KALRN: variants seen among roughly 807,000 people sequenced by gnomAD.
KALRN encodes kalirin.
KALRN carries 70 observed loss-of-function variants against 353.7 expected under a neutral mutation model. The observed-to-expected ratio is 0.20, with a 90% CI of 0.16 to 0.24. KALRN has a LOEUF of 0.24. KALRN is among the 10% of genes least tolerant of loss of function. The pLI is 1.00. For synonymous variants in KALRN, 1,391 were observed against 1,434.8 expected (o/e 0.97, Z 0.69); for missense variants, 2,791 against 3,756.7 (o/e 0.74, Z 6.72).
At chr3:124,630,289 C>G (rs1355104225) in intron 34 of KALRN, among the ~76,000 whole-genome samples, 1 of 152,208 alleles carries the variant, frequency 6.6e-6, no homozygotes, top group Non-Finnish European at 1.5e-5. Context: ...GTGGCTTTCC[C>G]TGGACTTGCT....
At chr3:124,592,115 A>G (rs567581359) in intron 34 of KALRN, among the ~76,000 whole-genome samples, 46 of 152,196 alleles carry the variant, frequency 3.0e-4, no homozygotes, top group Admixed American at 9.2e-4. Flanking sequence ...AGCCTGGCCA[A>G]CATAGTGAAA....
At chr3:124,456,471 G>A (rs1029628970) in intron 22 of KALRN, 139 bp from the exon 23 acceptor site, 2 of 540,240 alleles carry the variant, frequency 3.7e-6, no homozygotes, top group East Asian at 3.1e-5. Context: ...GTGCTTATGG[G>A]TATGAGTCTG....
chr3:124,582,698 C>T (rs574070319), intron 34 of KALRN, among the ~76,000 whole-genome samples: 29 of 150,706 alleles, frequency 1.9e-4, no homozygotes, highest in Admixed American at 1.6e-3. Flanking sequence ...GCTATTATTA[C>T]TCATTAGGTC....
At chr3:124,080,858 G>T (rs2060504337) in intron 1 of KALRN, among the ~76,000 whole-genome samples, 1 of 152,016 alleles carries the variant, frequency 6.6e-6, no homozygotes, top group South Asian at 2.1e-4. Flanking sequence ...TACCAGTTTT[G>T]CCCATAGTAT....
chr3:124,709,168 T>C (rs1222709756), intron 57 of KALRN, among the ~76,000 whole-genome samples: 1 of 152,130 alleles, frequency 6.6e-6, no homozygotes, highest in East Asian at 1.9e-4. Context: ...CCAAAAACTC[T>C]CATTAGTATC....
intron 4 of KALRN, among the ~76,000 whole-genome samples, chr3:124,265,848 C>T (rs773286541): frequency 5.3e-5 from 8 of 152,090 alleles, no homozygotes; most frequent in East Asian, 1.9e-4. Flanking sequence ...TGGTGATTCA[C>T]GCCTGTACTG....
chr3:124,517,724 A>G (rs2066777761), intron 33 of KALRN, among the ~76,000 whole-genome samples: 1 of 152,138 alleles, frequency 6.6e-6, no homozygotes, highest in Non-Finnish European at 1.5e-5. Context: ...CTTGCAGTCT[A>G]CCCAAACCAG....
intron 11 of KALRN, among the ~76,000 whole-genome samples, chr3:124,389,319 C>T (rs745748886): frequency 6.6e-6 from 1 of 151,968 alleles, no homozygotes. Context: ...CCTAGACTTC[C>T]TAGGACTCCC....
chr3:124,295,186 C>T (rs2149181874), intron 5 of KALRN, among the ~76,000 whole-genome samples: 1 of 152,294 alleles, frequency 6.6e-6, no homozygotes, highest in African/African-American at 2.4e-5. Context: ...GTGATTGTCC[C>T]TTAGGAAACC....
At chr3:124,152,585 CTTTCT>C in intron 1 of KALRN, 1 of 579,992 alleles carries the variant, frequency 1.7e-6, no homozygotes, top group East Asian at 2.9e-5. Flanking sequence ...TTCTTTCTTT[CTTTCT>C]TTCTTTTTTT....
chr3:124,607,166 T>C (rs1023836254), intron 34 of KALRN, among the ~76,000 whole-genome samples: 1 of 152,204 alleles, frequency 6.6e-6, no homozygotes, highest in Non-Finnish European at 1.5e-5. Flanking sequence ...TTGTTTCCAA[T>C]AGGGGAATGA....
chr3:124,113,017 A>G (rs951651804), intron 1 of KALRN, among the ~76,000 whole-genome samples: 1 of 152,204 alleles, frequency 6.6e-6, no homozygotes, highest in Non-Finnish European at 1.5e-5. Flanking sequence ...TAAAAAAACC[A>G]AAGGAAAAAT....
chr3:124,506,776 C>A (rs1171356232), intron 33 of KALRN, among the ~76,000 whole-genome samples: 1 of 152,234 alleles, frequency 6.6e-6, no homozygotes, highest in Admixed American at 6.5e-5. Context: ...TAAAGTTTCA[C>A]TTACTGTTTG....
chr3:124,108,849 C>T (rs985229621), intron 1 of KALRN, among the ~76,000 whole-genome samples: 4 of 152,126 alleles, frequency 2.6e-5, no homozygotes, highest in African/African-American at 4.8e-5. Context: ...TAAGGCTTTG[C>T]AGGGGATTAC....
At chr3:124,655,784 C>G (rs1290386533) in intron 39 of KALRN, 117 bp downstream of exon 39, 7 of 697,952 alleles carry the variant, frequency 1.0e-5, no homozygotes, top group South Asian at 7.1e-5. Context: ...TGAGCACTTG[C>G]AGAAATGAAA....
At chr3:124,157,377 G>T (rs904077996) in intron 1 of KALRN, among the ~76,000 whole-genome samples, 10 of 152,202 alleles carry the variant, frequency 6.6e-5, no homozygotes, top group African/African-American at 2.4e-4. Context: ...CCCAAAGACA[G>T]CTAGGAGTTT....
At chr3:124,191,212 G>C (rs1384301227) in intron 1 of KALRN, among the ~76,000 whole-genome samples, 1 of 152,222 alleles carries the variant, frequency 6.6e-6, no homozygotes, top group Non-Finnish European at 1.5e-5. Flanking sequence ...CCCTGAGGCA[G>C]TCCTTTTGGG....
chr3:124,444,152 C>G (rs1301003838), intron 19 of KALRN, among the ~76,000 whole-genome samples: 1 of 152,212 alleles, frequency 6.6e-6, no homozygotes, highest in Non-Finnish European at 1.5e-5. Context: ...CAACTGGGCT[C>G]AGCAGTGCAG....
intron 1 of KALRN, among the ~76,000 whole-genome samples, chr3:124,048,987 T>C (rs901913924): frequency 2.0e-5 from 3 of 152,234 alleles, no homozygotes; most frequent in African/African-American, 7.2e-5. Context: ...CAACTGTAGG[T>C]TTGGGCTGTT....
Sources: gnomAD v4.1 joint callset for allele counts (sites outside exome capture counted in the v4.1 genomes callset) on GRCh38, gnomAD v4.1.1 for gene constraint, MANE v1.5 for transcripts, NCBI Gene and HGNC (gene_info 2026-07-23, HGNC 2026-07-21) for gene names.